Variants in KCNH1 observed in about 807,000 individuals in gnomAD.
The protein encoded by KCNH1 is potassium voltage-gated channel subfamily H member 1, also known as voltage-gated delayed rectifier potassium channel KCNH1.
KCNH1 carries 27 observed loss-of-function variants against 69.2 expected under a neutral mutation model. That is an observed-to-expected ratio of 0.39 (90% CI 0.29 to 0.54). KCNH1 has a LOEUF of 0.54. Ranked by LOEUF, KCNH1 falls within the 20% of genes least tolerant of loss-of-function variation. The pLI, the probability that KCNH1 is intolerant of heterozygous loss-of-function variation, is 0.68. For synonymous variants in KCNH1, 456 were observed against 487.7 expected (o/e 0.93, Z 0.86); for missense variants, 798 against 1,261.6 (o/e 0.63, Z 5.57).
At chr1:211,131,297 G>A (rs535979498) in intron 1 of KCNH1, among the ~76,000 whole-genome samples, 2 of 152,180 alleles carry the variant, frequency 1.3e-5, no homozygotes, top group Non-Finnish European at 2.9e-5. Context: ...AGTTTTTAAA[G>A]GATGATAAAA....
chr1:210,764,442 T>C (rs1269453190), intron 10 of KCNH1, among the ~76,000 whole-genome samples: 1 of 152,134 alleles, frequency 6.6e-6, no homozygotes, highest in East Asian at 1.9e-4. Flanking sequence ...ATCTACTGGA[T>C]GGGAGAAAAT....
intron 7 of KCNH1, among the ~76,000 whole-genome samples, chr1:210,805,217 T>C (rs1477754939): frequency 6.6e-6 from 1 of 152,238 alleles, no homozygotes; most frequent in African/African-American, 2.4e-5. Flanking sequence ...CTTGCCGTTG[T>C]ATCCCTAGGA....
intron 7 of KCNH1, chr1:210,860,148 G>T: frequency 8.7e-7 from 1 of 1,151,572 alleles, no homozygotes; most frequent in Non-Finnish European, 1.3e-6. Context: ...CAAGATACTT[G>T]GTATCAGACA....
At position 210,796,681 on chromosome 1, in the gene KCNH1, T is replaced by C. The variant is rs144709300; in HGVS notation, c.1915+827A>G. On this transcript the variant is annotated intron_variant, in intron 9 of 10. Transcript: ENST00000271751. ...CTTCCCCGCCACAGCAAATCTGTCA[T>C]TGGGTTGCAGTGATTCTACTTCTTG... is the stretch of plus-strand genomic sequence containing the variant. Among the ~76,000 whole-genome samples, 615 of 152,258 alleles carry C rather than the reference T, an allele frequency of 4.0e-3. 4 individuals carry two copies. Among genetic ancestry groups the C allele is most frequent in the African/African-American group, 0.014 (577 of 41,538 alleles).
chr1:211,016,330 A>G (rs1191975457), intron 6 of KCNH1, among the ~76,000 whole-genome samples: 1 of 152,134 alleles, frequency 6.6e-6, no homozygotes, highest in Admixed American at 6.5e-5. Flanking sequence ...CACATTTTAC[A>G]TATGTGTTTA....
chr1:211,024,837 A>G (rs1689656267), intron 5 of KCNH1, among the ~76,000 whole-genome samples: 1 of 152,084 alleles, frequency 6.6e-6, no homozygotes, highest in Admixed American at 6.5e-5. Context: ...AAGAGTACCA[A>G]CGACTACATT....
Position 210,830,037 on chromosome 1 carries a change from T to C in KCNH1, c.1463-25871A>G. ...GTTATATTCACTAATGTAAATCTGGTGCTTAGACTACTGCCTACCACCTCA... is the reference window on the plus strand; with the variant it reads ...GTTATATTCACTAATGTAAATCTGGCGCTTAGACTACTGCCTACCACCTCA... On this transcript the variant is annotated intron_variant, in intron 7 of 10. Coordinates refer to ENST00000271751, the MANE Select transcript of KCNH1 (RefSeq NM_172362.3). Among the ~76,000 whole-genome samples, 2 of 152,160 alleles carry C rather than the reference T, an allele frequency of 1.3e-5. 1 individual carries two copies. The highest frequency in any genetic ancestry group is 1.3e-4 in the Admixed American group (2 of 15,268).
In KCNH1 at chr1:211,103,497, GTTC is replaced by G. The variant is rs1558605648; in HGVS notation, c.306_308del (p.Lys102del). On this transcript the variant is annotated inframe_deletion and splice_region_variant, in exon 3 of 11. Transcript: ENST00000271751. ...GTTCAGAATGGTCTCAATACTCACTGTTCTTCTTGTACATCAGAATTTCAAAGG... is the reference window on the plus strand; with the variant it reads ...GTTCAGAATGGTCTCAATACTCACTGTTCTTGTACATCAGAATTTCAAAGG... The G allele has an allele frequency of 2.5e-6, 4 of 1,590,564 alleles. No individual in the cohort carries two copies. Among genetic ancestry groups the G allele is most frequent in the Non-Finnish European group, 3.4e-6 (4 of 1,159,782 alleles).
chr1:211,065,209 C>T (rs1366013441), intron 5 of KCNH1, among the ~76,000 whole-genome samples: 1 of 152,102 alleles, frequency 6.6e-6, no homozygotes, highest in Non-Finnish European at 1.5e-5. Context: ...ACATTATTCA[C>T]AATAACCAAG....
At chr1:211,001,601 T>C (rs1191772830) in intron 6 of KCNH1, among the ~76,000 whole-genome samples, 5 of 152,168 alleles carry the variant, frequency 3.3e-5, no homozygotes, top group Non-Finnish European at 5.9e-5. Context: ...TGGAAGTCAG[T>C]GTGGCGATTC....
chr1:210,947,050 C>A (rs1687971246), intron 6 of KCNH1, among the ~76,000 whole-genome samples: 1 of 152,144 alleles, frequency 6.6e-6, no homozygotes, highest in Non-Finnish European at 1.5e-5. Flanking sequence ...GGGCAGGCAC[C>A]CTGTTAATTT....
chr1:210,994,443 G>C (rs1688988471), intron 6 of KCNH1, among the ~76,000 whole-genome samples: 1 of 152,066 alleles, frequency 6.6e-6, no homozygotes, highest in South Asian at 2.1e-4. Flanking sequence ...AAAATATTTT[G>C]GTTTGTGTAA....
chr1:211,033,011 A>T (rs1260358801), intron 5 of KCNH1, among the ~76,000 whole-genome samples: 2 of 152,246 alleles, frequency 1.3e-5, no homozygotes, highest in East Asian at 3.8e-4. Context: ...CAATCTACTC[A>T]TCTGACAAAG....
rs1044580451 is a variant in KCNH1 at position 210,678,979 on chromosome 1, T to G, written c.*4302A>C. On this transcript the variant is annotated 3_prime_UTR_variant, in exon 11 of 11. Transcript: ENST00000271751. ...AGGTTCCAGAATAAGTCTGATATGC[T>G]TGCATGAGAATGAAGTTTCACTTGA... 2.0e-5 allele frequency: 3 copies of G among 152,248 alleles called. No homozygotes were observed. The highest frequency in any genetic ancestry group is 7.2e-5 in the African/African-American group (3 of 41,468). The allele number at this position is 152,248 out of a possible 1,614,324, so 9.4% of individuals were successfully genotyped here.
intron 7 of KCNH1, among the ~76,000 whole-genome samples, chr1:210,828,471 C>T (rs559260813): frequency 8.8e-4 from 134 of 152,254 alleles, no homozygotes; most frequent in Non-Finnish European, 1.6e-3. Flanking sequence ...TTATTAGACA[C>T]GCTATCATTG....
intron 10 of KCNH1, among the ~76,000 whole-genome samples, chr1:210,692,665 CAG>C (rs1317011191): frequency 6.6e-6 from 1 of 152,078 alleles, no homozygotes; most frequent in Non-Finnish European, 1.5e-5. Flanking sequence ...TTACAAGAGA[CAG>C]GGAAAAATGC....
chr1:210,849,136 T>C (rs1685626581), intron 7 of KCNH1, among the ~76,000 whole-genome samples: 2 of 152,326 alleles, frequency 1.3e-5, no homozygotes, highest in South Asian at 4.1e-4. Context: ...ATGTGTATTA[T>C]GTGTGCATAT....
chr1:210,837,593 C>T (rs570693726), intron 7 of KCNH1, among the ~76,000 whole-genome samples: 3 of 152,256 alleles, frequency 2.0e-5, no homozygotes, highest in African/African-American at 4.8e-5. Context: ...CAAGTCACTT[C>T]ATTACTCTGA....
intron 6 of KCNH1, among the ~76,000 whole-genome samples, chr1:210,957,522 T>C (rs1339264030): frequency 6.6e-6 from 1 of 152,106 alleles, no homozygotes; most frequent in East Asian, 1.9e-4. Flanking sequence ...GGTGTTAAAA[T>C]CTCCCATTAT....
Sources: allele counts gnomAD v4.1 joint callset (sites outside exome capture counted in the v4.1 genomes callset), GRCh38; gene constraint gnomAD v4.1.1; transcripts MANE v1.5; gene names NCBI Gene and HGNC (gene_info 2026-07-23, HGNC 2026-07-21).